BRWD1: variants seen among roughly 807,000 people sequenced by gnomAD.
BRWD1 encodes bromodomain and WD repeat-containing protein 1.
In BRWD1, 82 loss-of-function variants were observed where a neutral mutation model predicts 251.2. The observed-to-expected ratio is 0.33, with a 90% confidence interval of 0.27 to 0.39. The LOEUF (loss-of-function observed/expected upper bound fraction) is 0.39, where lower values mean the gene tolerates loss of function less well. Among genes scored for constraint, BRWD1 ranks in the 10% least tolerant of loss-of-function variants. The pLI is 1.00. For synonymous variants in BRWD1, 918 were observed against 902.8 expected, an observed-to-expected ratio of 1.02 and a Z score of -0.30; for missense variants, 2,233 against 2,711.6, an observed-to-expected ratio of 0.82 and a Z score of 3.92.
chr21:39,281,599 G>T (rs1300248099), intron 8 of BRWD1, among the ~76,000 whole-genome samples: 1 of 152,214 alleles, frequency 6.6e-6, no homozygotes, highest in African/African-American at 2.4e-5. Flanking sequence ...GGAGGCCAAG[G>T]CAGGCAGATC....
chr21:39,211,109 A>G (rs554585954), intron 34 of BRWD1, among the ~76,000 whole-genome samples, 180 bp from the exon 35 acceptor site: 1 of 152,364 alleles, frequency 6.6e-6, no homozygotes, highest in Non-Finnish European at 1.5e-5. Flanking sequence ...TTTTCATATA[A>G]CTTAACCAAT....
chr21:39,252,685 G>A (rs2034434831), intron 19 of BRWD1, among the ~76,000 whole-genome samples: 1 of 152,128 alleles, frequency 6.6e-6, no homozygotes, highest in African/African-American at 2.4e-5. Context: ...CAGATAGCTA[G>A]CTGCCGTTCT....
At chr21:39,303,054 CA>C (rs373480984) in intron 4 of BRWD1, among the ~76,000 whole-genome samples, 7 of 148,778 alleles carry the variant, frequency 4.7e-5, no homozygotes, top group Non-Finnish European at 8.9e-5. Context: ...GACTCCGTCT[CA>C]AAAAAAAAGA....
chr21:39,190,273 A>G lies in BRWD1; in HGVS notation c.*5986T>C. On this transcript the variant is annotated 3_prime_UTR_variant, in exon 41 of 41. Transcript: ENST00000342449. ...GCTACCTTATTTACAGATTCTGCAC[A>G]ATATTTCATCATACAAAACTGTTTT... The G allele has an allele frequency of 1.0e-6, 1 of 984,288 alleles. No homozygotes were observed. Among genetic ancestry groups the G allele is most frequent in the Non-Finnish European group, 1.2e-6 (1 of 828,934 alleles). The allele number at this position is 984,288 out of a possible 1,614,324, so 61.0% of individuals were successfully genotyped here. A position where few individuals can be genotyped will look rare whatever the true frequency, so the allele number is the denominator to read the frequency against.
Position 39,280,178 on chromosome 21 carries a change from CA to C in BRWD1, c.901del (p.Trp301GlyfsTer5). Reference sequence around the variant, plus strand: ...TTTTAAGGATTCTAAATCCCATTGCCAAAAGCAAACTGTCCCATCAGCACCA... The same window carrying C: ...TTTTAAGGATTCTAAATCCCATTGCCAAAGCAAACTGTCCCATCAGCACCA... The part of the protein sequence containing the change: ...STGADGTVCF[W>X]QWDLESLKFS... On this transcript the variant is annotated frameshift_variant, in exon 9 of 41. Transcript: ENST00000342449. LOFTEE classifies it high-confidence loss of function. 6.2e-7 allele frequency: 1 copy of C among 1,606,114 alleles called. No individual in the cohort carries two copies. The highest frequency in any genetic ancestry group is 1.7e-5 in the Admixed American group (1 of 57,944).
At chr21:39,271,484 T>C (rs1037800603) in intron 13 of BRWD1, among the ~76,000 whole-genome samples, 3 of 150,864 alleles carry the variant, frequency 2.0e-5, no homozygotes, top group African/African-American at 2.4e-5. Context: ...GGTCAGGAGA[T>C]TGAGACCATC....
At position 39,227,494 on chromosome 21, in the gene BRWD1, C is replaced by T. The variant is rs557179024; in HGVS notation, c.3208+1006G>A. Among the ~76,000 whole-genome samples, 23 of 152,112 alleles carry T rather than the reference C, an allele frequency of 1.5e-4. No homozygotes were observed. In the South Asian group the frequency reaches 2.1e-3, roughly 14 times the overall value. On this transcript the variant is annotated intron_variant, in intron 27 of 40. Transcript: ENST00000342449. ...TCTACACAACTCTGAATAAGTGAGCCCTCCTTAAATGATCATCACAAAAAT... is the reference window on the plus strand; with the variant it reads ...TCTACACAACTCTGAATAAGTGAGCTCTCCTTAAATGATCATCACAAAAAT...
chr21:39,291,526 T>C (rs2035806792), intron 8 of BRWD1, among the ~76,000 whole-genome samples: 1 of 152,090 alleles, frequency 6.6e-6, no homozygotes, highest in Admixed American at 6.6e-5. Flanking sequence ...CCACCAGACA[T>C]TTTGGTACCA....
rs766034203 is a variant in BRWD1 at position 39,212,677 on chromosome 21, CAGA to C, written c.3886_3888del (p.Ser1296del). The C allele has an allele frequency of 1.9e-6, 3 of 1,578,454 alleles. No individual in the cohort carries two copies. Among genetic ancestry groups the C allele is most frequent in the Admixed American group, 1.7e-5 (1 of 58,444 alleles). ...GCAGAGTAACTTACTCTCCTCCTTC[CAGA>C]AGATGTTTTAGGAAGATCACTATCA... On this transcript the variant is annotated inframe_deletion, in exon 34 of 41. Coordinates refer to ENST00000342449, the MANE Select transcript of BRWD1 (RefSeq NM_033656.4).
intron 19 of BRWD1, among the ~76,000 whole-genome samples, chr21:39,255,057 T>A (rs2034516749): frequency 6.6e-6 from 1 of 152,058 alleles, no homozygotes; most frequent in South Asian, 2.1e-4. Context: ...TAATATTACA[T>A]CTAGAATTTC....
chr21:39,313,164 C>A, intron 2 of BRWD1, 63 bp from the exon 3 acceptor site: 1 of 1,494,968 alleles, frequency 6.7e-7, no homozygotes, highest in Admixed American at 2.3e-5. Context: ...GTTTCACCCC[C>A]GCCCACCACC....
intron 29 of BRWD1, among the ~76,000 whole-genome samples, chr21:39,222,805 T>C (rs1408520900): frequency 6.6e-6 from 1 of 152,196 alleles, no homozygotes; most frequent in Non-Finnish European, 1.5e-5. Flanking sequence ...CACATAAATA[T>C]ATCCCCATGG....
rs775181837 is a variant in BRWD1, at chr21:39,196,390, T to C, written c.6679A>G (p.Lys2227Glu). The C allele has an allele frequency of 1.2e-5, 19 of 1,613,704 alleles. No individual in the cohort carries two copies. In the South Asian group the frequency reaches 1.6e-4, roughly 14 times the overall value. ...DNDWEDLDYA[K>E]SKRVLRRSKI... ...GAACGTCGAAGAACTCTTTTAGATT[T>C]TGCATAGTCCAAATCCTCCCAGTCA... is the stretch of plus-strand genomic sequence containing the variant. Residue 2227 changes from lysine to glutamate, a missense_variant, in exon 41 of 41, where the codon AAA (lysine) becomes GAA (glutamate). Lys to Glu is a moderately conservative substitution (Grantham distance 56). Transcript: ENST00000342449.
intron 20 of BRWD1, 42 bp from the exon 21 acceptor site, chr21:39,247,874 A>G (rs781728960): frequency 7.8e-6 from 12 of 1,547,766 alleles, no homozygotes; most frequent in South Asian, 2.5e-5. Context: ...CAACACCTAA[A>G]TAAGGACAAT....
At position 39,236,683 on chromosome 21, in the gene BRWD1, C is replaced by T; in HGVS notation, c.2678G>A (p.Ser893Asn). The T allele has an allele frequency of 1.2e-6, 2 of 1,614,030 alleles. No individual in the cohort carries two copies. Among genetic ancestry groups the T allele is most frequent in the Non-Finnish European group, 1.7e-6 (2 of 1,179,938 alleles). ...AGTAGATATTTCATCTTCTGAACTA[C>T]TACAAAATCGAGTAATTCGTCGACG... Reference protein sequence around the residue: ...SCRRRITRFCSSSEDEISTEN... With the variant: ...SCRRRITRFCNSSEDEISTEN... The change falls in exon 23 of 41, where the codon AGT (serine) becomes AAT (asparagine). Residue 893 changes from serine (S) to asparagine (N), a missense_variant. Ser to Asn is a conservative substitution (Grantham distance 46, BLOSUM62 1). Transcript: ENST00000342449.
chr21:39,232,844 TA>T (rs1381924448), intron 23 of BRWD1, among the ~76,000 whole-genome samples: 1 of 152,172 alleles, frequency 6.6e-6, no homozygotes, highest in Non-Finnish European at 1.5e-5. Flanking sequence ...GGCCACAGGC[TA>T]ATCATCACAA....
intron 4 of BRWD1, among the ~76,000 whole-genome samples, chr21:39,299,727 C>G (rs1050903995): frequency 5.3e-5 from 8 of 151,758 alleles, no homozygotes; most frequent in African/African-American, 1.9e-4. Flanking sequence ...GTAATCCCAA[C>G]ACTTTGGGAG....
chr21:39,254,337 T>A (rs7280298), intron 19 of BRWD1, among the ~76,000 whole-genome samples: 188 of 152,324 alleles, frequency 1.2e-3, no homozygotes, highest in African/African-American at 4.3e-3. Context: ...GTCAAAAATT[T>A]ACAAGATGAA....
chr21:39,208,988 A>AAG (rs2032537405), intron 36 of BRWD1, among the ~76,000 whole-genome samples: 2 of 151,840 alleles, frequency 1.3e-5, no homozygotes, highest in Admixed American at 1.3e-4. Flanking sequence ...CAAAAAAAAA[A>AAG]AAAGAAAGAA....
Sources: gnomAD v4.1 joint callset for allele counts (sites outside exome capture counted in the v4.1 genomes callset) on GRCh38, gnomAD v4.1.1 for gene constraint, MANE v1.5 for transcripts, NCBI Gene and HGNC (gene_info 2026-07-23, HGNC 2026-07-21) for gene names.